ZMIZ1: variants seen among roughly 807,000 people sequenced by gnomAD.
ZMIZ1 encodes zinc finger MIZ-type containing 1.
ZMIZ1 carries 17 observed loss-of-function variants against 113.9 expected under a neutral mutation model. That is an observed-to-expected ratio of 0.15 (90% CI 0.10 to 0.22). ZMIZ1 has a LOEUF of 0.22. ZMIZ1 is among the 10% of genes least tolerant of loss of function. The probability of loss-of-function intolerance (pLI) is 1.00; values close to 1 mark genes in which losing one functional copy is unlikely to be tolerated. For synonymous variants in ZMIZ1, 607 were observed against 603.1 expected (o/e 1.01, Z -0.09); for missense variants, 1,059 against 1,477.8 (o/e 0.72, Z 4.65).
intron 2 of ZMIZ1, among the ~76,000 whole-genome samples, chr10:79,130,277 G>C (rs1052700209): frequency 6.6e-6 from 1 of 152,186 alleles, no homozygotes. Context: ...GCTCAGAAAG[G>C]CTGCCCAGAG....
At chr10:79,070,150 G>GAT (rs1022048272) in intron 1 of ZMIZ1, among the ~76,000 whole-genome samples, 1 of 151,848 alleles carries the variant, frequency 6.6e-6, no homozygotes, top group African/African-American at 2.4e-5. Flanking sequence ...CGGGGTCGGG[G>GAT]GGGGGAGGCG....
intron 1 of ZMIZ1, among the ~76,000 whole-genome samples, chr10:79,101,538 TTGGCCCAGTGGATGTCTGG>T (rs940995199): frequency 6.6e-6 from 1 of 152,282 alleles, no homozygotes; most frequent in Middle Eastern, 3.4e-3. Context: ...TGTGAGGTCC[TTGGCCCAGTGGATGTCTGG>T]TGGCCTTGGT....
At chr10:79,136,413 G>C (rs1275753287) in intron 2 of ZMIZ1, among the ~76,000 whole-genome samples, 1 of 152,260 alleles carries the variant, frequency 6.6e-6, no homozygotes, top group Non-Finnish European at 1.5e-5. Context: ...GGAGGCCCCT[G>C]TTTCCTGCCG....
intron 8 of ZMIZ1, among the ~76,000 whole-genome samples, chr10:79,282,185 C>T (rs987250427): frequency 2.0e-5 from 3 of 152,136 alleles, no homozygotes; most frequent in East Asian, 1.9e-4. Context: ...CCAAACAAGA[C>T]GGAAAGAAAA....
intron 1 of ZMIZ1, among the ~76,000 whole-genome samples, chr10:79,094,068 G>A (rs1464677544): frequency 6.6e-6 from 1 of 152,334 alleles, no homozygotes; most frequent in Admixed American, 6.5e-5. Context: ...ACAATGCTGG[G>A]TTCATATTGA....
intron 4 of ZMIZ1, among the ~76,000 whole-genome samples, chr10:79,192,575 A>G (rs1446729606): frequency 6.6e-6 from 1 of 152,174 alleles, no homozygotes; most frequent in Non-Finnish European, 1.5e-5. Flanking sequence ...TTGGCACAGG[A>G]GCACTGCCCT....
At chr10:79,100,777 G>T (rs750817650) in intron 1 of ZMIZ1, among the ~76,000 whole-genome samples, 4 of 152,204 alleles carry the variant, frequency 2.6e-5, no homozygotes, top group Non-Finnish European at 4.4e-5. Context: ...TGGCTGGTAG[G>T]GGGTGAGGAT....
chr10:79,114,496 T>TGC (rs757011502), intron 1 of ZMIZ1, among the ~76,000 whole-genome samples: 7 of 91,658 alleles, frequency 7.6e-5, no homozygotes, highest in African/African-American at 2.9e-4. Context: ...TGTGTGTGCG[T>TGC]GTGTGTGTGC....
At chr10:79,186,236 T>G (rs1847347432) in intron 4 of ZMIZ1, among the ~76,000 whole-genome samples, 1 of 152,228 alleles carries the variant, frequency 6.6e-6, no homozygotes, top group Non-Finnish European at 1.5e-5. Flanking sequence ...TGGTCTGTGC[T>G]CTCAGGGTCA....
At chr10:79,212,946 C>T (rs746095001) in intron 6 of ZMIZ1, among the ~76,000 whole-genome samples, 33 of 152,074 alleles carry the variant, frequency 2.2e-4, no homozygotes, top group Non-Finnish European at 4.0e-4. Context: ...CTGTCTGTGG[C>T]GTGAGGCTGG....
intron 7 of ZMIZ1, among the ~76,000 whole-genome samples, chr10:79,255,188 G>A (rs997074440): frequency 6.6e-5 from 10 of 152,212 alleles, no homozygotes; most frequent in Admixed American, 3.3e-4. Context: ...TCACGACACT[G>A]CCCTGCTCCT....
At chr10:79,086,796 C>T (rs946580433) in intron 1 of ZMIZ1, among the ~76,000 whole-genome samples, 3 of 152,058 alleles carry the variant, frequency 2.0e-5, no homozygotes, top group Middle Eastern at 3.4e-3. Context: ...TTTTTGGAAG[C>T]TCTGTGTCCA....
At chr10:79,095,521 G>C (rs955497697) in intron 1 of ZMIZ1, among the ~76,000 whole-genome samples, 3 of 152,194 alleles carry the variant, frequency 2.0e-5, no homozygotes, top group African/African-American at 7.2e-5. Flanking sequence ...GCCTTTCCGG[G>C]TGTCAGGCAG....
intron 4 of ZMIZ1, among the ~76,000 whole-genome samples, chr10:79,179,878 C>G: frequency 6.6e-6 from 1 of 152,172 alleles, no homozygotes; most frequent in East Asian, 1.9e-4. Context: ...GCAGGCACTC[C>G]AGGCAGGCAG....
chr10:79,296,657 A>T lies in ZMIZ1; in HGVS notation c.1413+4A>T. The T allele has an allele frequency of 6.5e-7, 1 of 1,538,030 alleles. No homozygotes were observed. The highest frequency in any genetic ancestry group is 8.8e-7 in the Non-Finnish European group (1 of 1,141,128). ...CAACATGGGGCAGTATTACAAGGTGAGTCCCAGCCTCGCCACCACCCACGG... is the reference window on the plus strand; with the variant it reads ...CAACATGGGGCAGTATTACAAGGTGTGTCCCAGCCTCGCCACCACCCACGG... On this transcript the variant is annotated splice_donor_region_variant and intron_variant, in intron 13 of 24. Transcript: ENST00000334512. The surrounding 1 kb of genome is among the most constrained non-coding windows in gnomAD (Gnocchi z 4.1).
chr10:79,187,816 G>C (rs1847410182), intron 4 of ZMIZ1, among the ~76,000 whole-genome samples: 1 of 152,182 alleles, frequency 6.6e-6, no homozygotes, highest in African/African-American at 2.4e-5. Flanking sequence ...ATGAACCCAA[G>C]GGCCTCCCTC....
Position 79,187,062 on chromosome 10 carries a change from G to A in ZMIZ1, c.-49-14522G>A, listed in dbSNP as rs190493343. ...CACTCCCAGCAGGTAGGTTGGTACTGTTTGTCTGCCTTCACCTGGATTTTA... is the reference window on the plus strand; with the variant it reads ...CACTCCCAGCAGGTAGGTTGGTACTATTTGTCTGCCTTCACCTGGATTTTA... On this transcript the variant is annotated intron_variant, in intron 4 of 24. Transcript: ENST00000334512. Among the ~76,000 whole-genome samples the A allele has an allele frequency of 9.2e-5, 14 of 152,340 alleles. No individual in the cohort carries two copies. The East Asian group carries it at 1.3e-3, about 15-fold the overall frequency.
intron 7 of ZMIZ1, among the ~76,000 whole-genome samples, chr10:79,235,988 T>G (rs1280669644): frequency 6.6e-6 from 1 of 152,208 alleles, no homozygotes; most frequent in Non-Finnish European, 1.5e-5. Context: ...CTCAGTTTCC[T>G]CATTTGAAGA....
intron 7 of ZMIZ1, among the ~76,000 whole-genome samples, chr10:79,275,253 A>G (rs1171253183): frequency 6.6e-6 from 1 of 152,232 alleles, no homozygotes; most frequent in Non-Finnish European, 1.5e-5. Context: ...GCAGACACAC[A>G]TGACAGAGGA....
Sources: gnomAD v4.1 joint callset for allele counts (sites outside exome capture counted in the v4.1 genomes callset) on GRCh38, gnomAD v4.1.1 for gene constraint, Gnocchi (gnomAD v3.1) non-coding constraint, MANE v1.5 for transcripts, NCBI Gene and HGNC (gene_info 2026-07-23, HGNC 2026-07-21) for gene names.